Variants in KLF12 observed in about 807,000 individuals in gnomAD.
KLF12 encodes Krueppel-like factor 12.
In KLF12, 9 loss-of-function variants were observed where a neutral mutation model predicts 37.8. That is an observed-to-expected ratio of 0.24 (90% CI 0.14 to 0.42). The LOEUF (loss-of-function observed/expected upper bound fraction) is 0.42, where lower values mean the gene tolerates loss of function less well. Ranked by LOEUF, KLF12 falls within the 10% of genes least tolerant of loss-of-function variation. KLF12 has a pLI of 1.00. For missense variants in KLF12, 411 were observed against 516.0 expected (o/e 0.80, Z 1.97); for synonymous variants, 208 against 202.1 (o/e 1.03, Z -0.25).
Position 73,690,974 on chromosome 13 carries a change from A to G in KLF12, c.*4516T>C, listed in dbSNP as rs1356274519. ...AGTATCAGTGGACATGGGTTACTAA[A>G]CAGACATTATAATGAAACTGTGAAA... On this transcript the variant is annotated 3_prime_UTR_variant, in exon 8 of 8. Transcript: ENST00000377669. 1 of 152,662 alleles carries G rather than the reference A, an allele frequency of 6.6e-6. No individual in the cohort carries two copies. The highest frequency in any genetic ancestry group is 2.4e-5 in the African/African-American group (1 of 41,470). The allele number at this position is 152,662 out of a possible 1,614,324, so 9.5% of individuals were successfully genotyped here. A position where few individuals can be genotyped will look rare whatever the true frequency, so the allele number is the denominator to read the frequency against.
At chr13:73,948,194 C>G (rs867433877) in intron 2 of KLF12, among the ~76,000 whole-genome samples, 2 of 152,076 alleles carry the variant, frequency 1.3e-5, no homozygotes, top group Admixed American at 6.6e-5. Flanking sequence ...AGATTCACTG[C>G]ACCAAGTTGG....
At chr13:73,776,383 C>T (rs1361706473) in intron 5 of KLF12, among the ~76,000 whole-genome samples, 1 of 152,180 alleles carries the variant, frequency 6.6e-6, no homozygotes, top group Non-Finnish European at 1.5e-5. Flanking sequence ...TACAGAGACA[C>T]TTTATTTCAG....
the KLF12 span, among the ~76,000 whole-genome samples, chr13:74,274,042 G>A: frequency 4.1e-3 from 624 of 152,254 alleles, 7 homozygotes; most frequent in African/African-American, 0.015. Flanking sequence ...CTTGAGGCAT[G>A]CACCGAAAAT....
intron 4 of KLF12, among the ~76,000 whole-genome samples, chr13:73,842,431 G>A (rs1369962121): frequency 6.6e-6 from 1 of 152,184 alleles, no homozygotes; most frequent in Non-Finnish European, 1.5e-5. Flanking sequence ...CTATGAGACA[G>A]AAACAACATC....
chr13:73,929,533 C>T (rs1889565521), intron 3 of KLF12, among the ~76,000 whole-genome samples: 1 of 152,194 alleles, frequency 6.6e-6, no homozygotes. Context: ...CTCACTGTAT[C>T]AGCTGCAAAC....
chr13:73,931,829 C>A (rs1402282896), intron 3 of KLF12, among the ~76,000 whole-genome samples: 1 of 148,420 alleles, frequency 6.7e-6, no homozygotes, highest in African/African-American at 2.5e-5. Flanking sequence ...TTTTTTTTTA[C>A]CATTTACAAT....
At chr13:73,971,422 T>C (rs551074767) in intron 2 of KLF12, among the ~76,000 whole-genome samples, 33 of 152,248 alleles carry the variant, frequency 2.2e-4, no homozygotes, top group Non-Finnish European at 4.0e-4. Flanking sequence ...ACAGAACAAA[T>C]GATCCCTGTT....
intron 3 of KLF12, among the ~76,000 whole-genome samples, chr13:73,875,462 T>C (rs1160938876): frequency 6.6e-6 from 1 of 152,168 alleles, no homozygotes; most frequent in Non-Finnish European, 1.5e-5. Context: ...TTAGAAAACA[T>C]GGTTTTTGTG....
chr13:73,879,803 T>C (rs753149285), intron 3 of KLF12, among the ~76,000 whole-genome samples: 5 of 152,190 alleles, frequency 3.3e-5, no homozygotes, highest in Non-Finnish European at 5.9e-5. Flanking sequence ...CGCCCTCTCA[T>C]TTGCATATCC....
At chr13:74,154,308 T>C in the KLF12 span, among the ~76,000 whole-genome samples, 2 of 152,304 alleles carry the variant, frequency 1.3e-5, no homozygotes, top group African/African-American at 4.8e-5. Context: ...ATTGTATTGG[T>C]TGAATTTTCA....
intron 5 of KLF12, among the ~76,000 whole-genome samples, chr13:73,790,370 G>A (rs2138263167): frequency 6.6e-6 from 1 of 152,052 alleles, no homozygotes; most frequent in Middle Eastern, 3.4e-3. Flanking sequence ...TAAAATATAA[G>A]TCCAAATCTA....
intron 7 of KLF12, among the ~76,000 whole-genome samples, chr13:73,712,064 C>A (rs574126573): frequency 1.3e-5 from 2 of 152,074 alleles, no homozygotes; most frequent in Non-Finnish European, 2.9e-5. Context: ...TGGAGCCGGG[C>A]GCGGTGGCTC....
At chr13:74,238,009 C>T in the KLF12 span, among the ~76,000 whole-genome samples, 212 of 148,258 alleles carry the variant, frequency 1.4e-3, no homozygotes, top group African/African-American at 5.2e-3. Context: ...GGCATCCCTG[C>T]CTTGTGCCAG....
chr13:73,975,859 C>T (rs1891503082), intron 2 of KLF12, among the ~76,000 whole-genome samples: 1 of 152,102 alleles, frequency 6.6e-6, no homozygotes. Context: ...TTCCTTTGCA[C>T]TGAAAAATCT....
At chr13:73,848,741 G>T (rs1200633460) in intron 3 of KLF12, among the ~76,000 whole-genome samples, 1 of 151,952 alleles carries the variant, frequency 6.6e-6, no homozygotes, top group East Asian at 1.9e-4. Context: ...GCTCAAACCA[G>T]AATATAGAAA....
At chr13:73,778,063 G>A (rs778592857) in intron 5 of KLF12, among the ~76,000 whole-genome samples, 7 of 151,858 alleles carry the variant, frequency 4.6e-5, no homozygotes, top group Non-Finnish European at 8.8e-5. Context: ...GAACTCGGGA[G>A]GCAGAGGTTT....
At chr13:73,844,619 A>AC (rs1884920517) in intron 4 of KLF12, 2 of 152,196 alleles carry the variant, frequency 1.3e-5, no homozygotes, top group Non-Finnish European at 2.9e-5. Flanking sequence ...ATAAAACAAT[A>AC]CCTTGCTAAT....
At chr13:74,148,765 T>C in the KLF12 span, among the ~76,000 whole-genome samples, 1 of 152,168 alleles carries the variant, frequency 6.6e-6, no homozygotes, top group African/African-American at 2.4e-5. Flanking sequence ...TTGTTTTGTT[T>C]TGATGCTCTG....
chr13:73,891,911 C>G (rs1462110115), intron 3 of KLF12, among the ~76,000 whole-genome samples: 1 of 152,058 alleles, frequency 6.6e-6, no homozygotes, highest in African/African-American at 2.4e-5. Flanking sequence ...CAAAAAGTAA[C>G]ATTGTATCAA....
Sources: allele counts gnomAD v4.1 joint callset (sites outside exome capture counted in the v4.1 genomes callset), GRCh38; gene constraint gnomAD v4.1.1; transcripts MANE v1.5; gene names NCBI Gene and HGNC (gene_info 2026-07-23, HGNC 2026-07-21).